KDSR: variants seen among roughly 807,000 people sequenced by gnomAD.
The protein encoded by KDSR is 3-ketodihydrosphingosine reductase, also known as 3-dehydrosphinganine reductase.
KDSR carries 23 observed loss-of-function variants against 41.3 expected under a neutral mutation model. The ratio of observed to expected loss-of-function variants is 0.56; its 90% CI spans 0.40 to 0.79. The LOEUF is 0.79. KDSR is among the 30% of genes least tolerant of loss of function. The pLI, the probability that KDSR is intolerant of heterozygous loss-of-function variation, is 0.00. For missense variants in KDSR, 351 were observed against 416.8 expected, an observed-to-expected ratio of 0.84 and a Z score of 1.37; for synonymous variants, 138 against 151.7, an observed-to-expected ratio of 0.91 and a Z score of 0.66.
chr18:63,332,996 A>G (rs2144345666), intron 9 of KDSR, among the ~76,000 whole-genome samples: 1 of 152,224 alleles, frequency 6.6e-6, no homozygotes, highest in East Asian at 1.9e-4. Flanking sequence ...TCCAAAAAGA[A>G]GAAGATGGGT....
At position 63,331,579 on chromosome 18, in the gene KDSR, T is replaced by G; in HGVS notation, c.*203A>C. 2.2e-6 allele frequency: 1 copy of G among 452,250 alleles called. No individual in the cohort carries two copies. The allele number at this position is 452,250 out of a possible 1,614,324, so 28.0% of individuals were successfully genotyped here. On this transcript the variant is annotated 3_prime_UTR_variant, in exon 10 of 10. Coordinates refer to ENST00000645214, the MANE Select transcript of KDSR (RefSeq NM_002035.4). ...GCCTAGAAAATCAAATGGTCTCCTA[T>G]TCCATATTTGCATAGTATTAATAAT... is the stretch of plus-strand genomic sequence containing the variant.
intron 1 of KDSR, among the ~76,000 whole-genome samples, chr18:63,365,392 C>A (rs1915105353): frequency 6.6e-6 from 1 of 152,208 alleles, no homozygotes; most frequent in Non-Finnish European, 1.5e-5. Flanking sequence ...ATCTCAAGAA[C>A]AATTACACTT....
rs1194514787 is a variant in KDSR at position 63,328,185 on chromosome 18, AATAT to A, written c.*3593_*3596del. On this transcript the variant is annotated 3_prime_UTR_variant, in exon 10 of 10. Transcript: ENST00000645214. The stretch of plus-strand genomic sequence containing the variant: ...TTAAATGTTTATGTAATTTAGCAAA[AATAT>A]ATATATAATTGCTTTCTTCTAGAAA... 1.6e-5 allele frequency: 3 copies of A among 182,986 alleles called. No homozygotes were observed. The highest frequency in any genetic ancestry group is 1.8e-4 in the East Asian group (2 of 11,206). The allele number at this position is 182,986 out of a possible 1,614,324, so 11.3% of individuals were successfully genotyped here.
At chr18:63,355,329 G>A (rs1368259975) in intron 4 of KDSR, 30 bp from the exon 5 acceptor site, 2 of 1,606,768 alleles carry the variant, frequency 1.2e-6, no homozygotes, top group African/African-American at 1.3e-5. Context: ...CAGGCATTAA[G>A]AAACAGAGAA....
chr18:63,366,863 G>C (rs1004520180), intron 1 of KDSR, 148 bp downstream of exon 1: 11 of 411,262 alleles, frequency 2.7e-5, no homozygotes, highest in African/African-American at 1.9e-4. Flanking sequence ...AAAAGCGCCG[G>C]GGTGGACGGC....
At chr18:63,353,896 G>C (rs1014081647) in intron 5 of KDSR, among the ~76,000 whole-genome samples, 1 of 152,106 alleles carries the variant, frequency 6.6e-6, no homozygotes, top group Non-Finnish European at 1.5e-5. Context: ...CTAGGCGGAG[G>C]GGGTGGGTGC....
intron 6 of KDSR, among the ~76,000 whole-genome samples, chr18:63,347,556 T>C (rs1914546648): frequency 6.6e-6 from 1 of 150,528 alleles, no homozygotes; most frequent in Non-Finnish European, 1.5e-5. Flanking sequence ...ACATAGGATG[T>C]GCTGTTCCCT....
At chr18:63,363,776 G>C (rs1915059060) in intron 1 of KDSR, among the ~76,000 whole-genome samples, 1 of 152,204 alleles carries the variant, frequency 6.6e-6, no homozygotes. Flanking sequence ...ATCCTGAAAA[G>C]TAAAGCTCTT....
intron 7 of KDSR, among the ~76,000 whole-genome samples, chr18:63,339,988 G>T (rs1432418287): frequency 6.6e-6 from 1 of 152,188 alleles, no homozygotes; most frequent in African/African-American, 2.4e-5. Context: ...TAAGAGAAAG[G>T]CTGTTTTGAA....
intron 9 of KDSR, among the ~76,000 whole-genome samples, chr18:63,334,391 C>A (rs1468484752): frequency 6.7e-6 from 1 of 149,116 alleles, no homozygotes; most frequent in African/African-American, 2.5e-5. Context: ...GCCCTTGTAG[C>A]CTAGGCTGGA....
intron 2 of KDSR, among the ~76,000 whole-genome samples, chr18:63,360,621 C>T (rs1199736352): frequency 6.6e-6 from 1 of 151,970 alleles, no homozygotes; most frequent in African/African-American, 2.4e-5. Context: ...GGTGGCTCAC[C>T]CCTGTAATCC....
At position 63,361,071 on chromosome 18, in the gene KDSR, T is replaced by C. The variant is rs1192711563; in HGVS notation, c.199-1279A>G. 8.3e-4 allele frequency among the ~76,000 whole-genome samples: 87 copies of C among 105,026 alleles called. 1 individual carries two copies. In the East Asian group the frequency reaches 8.9e-3, roughly 11 times the overall value. The allele number at this position is 105,026 out of a possible 152,430, so 68.9% of individuals were successfully genotyped here. A position where few individuals can be genotyped will look rare whatever the true frequency, so the allele number is the denominator to read the frequency against. On this transcript the variant is annotated intron_variant, in intron 2 of 9. Coordinates refer to ENST00000645214, the MANE Select transcript of KDSR (RefSeq NM_002035.4). ...TATTTTATATATATGTAAATATATA[T>C]ACACACACACACACACACAAATCAG...
intron 9 of KDSR, among the ~76,000 whole-genome samples, chr18:63,332,402 A>G (rs1480802851): frequency 6.6e-6 from 1 of 152,178 alleles, no homozygotes; most frequent in South Asian, 2.1e-4. Flanking sequence ...GATTACTGAT[A>G]TCCTGTTGCT....
In KDSR at chr18:63,337,113, AATATATATATAT is replaced by A. The variant is rs139383635; in HGVS notation, c.777+1675_777+1686del. Among the ~76,000 whole-genome samples, 53 of 127,774 alleles carry A rather than the reference AATATATATATAT, an allele frequency of 4.1e-4. 3 individuals carry two copies. Among genetic ancestry groups the A allele is most frequent in the Admixed American group, 2.5e-3 (33 of 13,040 alleles). 83.8% of individuals were successfully genotyped at this position (127,774 alleles called of 152,430 possible). On this transcript the variant is annotated intron_variant, in intron 8 of 9. Coordinates refer to ENST00000645214, the MANE Select transcript of KDSR (RefSeq NM_002035.4). ...GTGACTTTATATATATATATATGTG[AATATATATATAT>A]ATATATATATATGGAGTTTTGCTCT...
Position 63,359,811 on chromosome 18 carries a change from A to G in KDSR, c.199-19T>C. 6.3e-7 allele frequency: 1 copy of G among 1,581,768 alleles called. No homozygotes were observed. Among genetic ancestry groups the G allele is most frequent in the Non-Finnish European group, 8.7e-7 (1 of 1,151,650 alleles). On this transcript the variant is annotated intron_variant, in intron 2 of 9. Transcript: ENST00000645214. ...GCTTATCCTGAAAGCAATACAGAAT[A>G]ATTAGTCGTGATGACCGTCTATATG...
At chr18:63,365,215 C>T (rs1440304899) in intron 1 of KDSR, among the ~76,000 whole-genome samples, 3 of 152,240 alleles carry the variant, frequency 2.0e-5, no homozygotes, top group African/African-American at 7.2e-5. Flanking sequence ...GGGTGATTTT[C>T]TGCTTTTTTC....
At chr18:63,352,570 C>T (rs1914687075) in intron 5 of KDSR, among the ~76,000 whole-genome samples, 1 of 152,152 alleles carries the variant, frequency 6.6e-6, no homozygotes, top group Non-Finnish European at 1.5e-5. Context: ...CCTGCCTCGG[C>T]CTCCCAAAGT....
chr18:63,328,747 T>C lies in KDSR; in HGVS notation c.*3035A>G, dbSNP rs1348915332. ...AAAGAAGTAAGGATTGTTTTCTATA[T>C]ATTTTTCAATTATGAAGTCCTTGAA... On this transcript the variant is annotated 3_prime_UTR_variant, in exon 10 of 10. Coordinates refer to ENST00000645214, the MANE Select transcript of KDSR (RefSeq NM_002035.4). 5.5e-6 allele frequency: 1 copy of C among 180,252 alleles called. No individual in the cohort carries two copies. The highest frequency in any genetic ancestry group is 1.2e-5 in the Non-Finnish European group (1 of 84,266). The allele number at this position is 180,252 out of a possible 1,614,324, so 11.2% of individuals were successfully genotyped here.
chr18:63,365,079 A>G (rs1915096521), intron 1 of KDSR, among the ~76,000 whole-genome samples: 1 of 152,220 alleles, frequency 6.6e-6, no homozygotes, highest in Non-Finnish European at 1.5e-5. Context: ...TCAACCTGCC[A>G]CCACTGAAGA....
Sources: allele counts gnomAD v4.1 joint callset (sites outside exome capture counted in the v4.1 genomes callset), GRCh38; gene constraint gnomAD v4.1.1; transcripts MANE v1.5; gene names NCBI Gene and HGNC (gene_info 2026-07-23, HGNC 2026-07-21).